The following AFG2A variants were observed in gnomAD, a reference collection of about 807,000 sequenced individuals.
AFG2A encodes the protein AAA ATPase AFG2A.
chr4:122,982,508 G>A, the AFG2A span, among the ~76,000 whole-genome samples: 1 of 152,154 alleles, frequency 6.6e-6, no homozygotes, highest in East Asian at 1.9e-4. Context: ...CTCATAAAGT[G>A]AGTTTGGAAG....
the AFG2A span, among the ~76,000 whole-genome samples, chr4:123,021,823 T>G: frequency 0.82 from 123,895 of 151,932 alleles, 52,127 homozygotes; most frequent in East Asian, 0.96. Context: ...AGCATGGTAC[T>G]GGTACCAAAA....
the AFG2A span, among the ~76,000 whole-genome samples, chr4:123,036,284 G>C: frequency 6.6e-6 from 1 of 152,052 alleles, no homozygotes. Context: ...TGAGAAATGA[G>C]AAAGAAAAGC....
At chr4:123,007,642 A>ATCAACAC in the AFG2A span, among the ~76,000 whole-genome samples, 1 of 25,510 alleles carries the variant, frequency 3.9e-5, no homozygotes, top group Non-Finnish European at 1.0e-4. Flanking sequence ...ACACACACAC[A>ATCAACAC]ACACACACAC....
At chr4:123,084,623 T>A in the AFG2A span, among the ~76,000 whole-genome samples, 1 of 151,456 alleles carries the variant, frequency 6.6e-6, no homozygotes, top group African/African-American at 2.4e-5. Flanking sequence ...TGTATATATA[T>A]ATAAAGAGAG....
At chr4:123,318,232 A>G in the AFG2A span, 32 of 152,208 alleles carry the variant, frequency 2.1e-4, no homozygotes, top group African/African-American at 5.8e-4. Context: ...GGACCTAGGA[A>G]ACAAATAAAG....
chr4:122,942,941 A>G, the AFG2A span, among the ~76,000 whole-genome samples: 7 of 151,712 alleles, frequency 4.6e-5, no homozygotes, highest in African/African-American at 7.3e-5. Context: ...GTAGTTGAGC[A>G]GTTTTGAGTG....
At chr4:123,196,167 A>ATT in the AFG2A span, among the ~76,000 whole-genome samples, 5,715 of 79,592 alleles carry the variant, frequency 0.072, 585 homozygotes, top group African/African-American at 0.17. Flanking sequence ...TGCCCAGCTA[A>ATT]TTTTTTTTTT....
At chr4:122,983,463 G>T in the AFG2A span, among the ~76,000 whole-genome samples, 1 of 151,900 alleles carries the variant, frequency 6.6e-6, no homozygotes, top group East Asian at 1.9e-4. Flanking sequence ...TTTCCTCATA[G>T]AACTACTTTT....
the AFG2A span, among the ~76,000 whole-genome samples, chr4:122,960,885 T>A: frequency 6.6e-6 from 1 of 152,238 alleles, no homozygotes; most frequent in East Asian, 1.9e-4. Flanking sequence ...CTGTTTCTAA[T>A]ATTTTTTACT....
the AFG2A span, among the ~76,000 whole-genome samples, chr4:123,228,021 C>T: frequency 3.3e-5 from 5 of 152,066 alleles, no homozygotes; most frequent in Non-Finnish European, 7.4e-5. Context: ...TTATCAGAGA[C>T]TAGGATTGCA....
At chr4:123,184,075 C>T in the AFG2A span, among the ~76,000 whole-genome samples, 3 of 152,110 alleles carry the variant, frequency 2.0e-5, no homozygotes, top group South Asian at 6.2e-4. Flanking sequence ...GGATTATAGG[C>T]GTGAGCCACC....
the AFG2A span, among the ~76,000 whole-genome samples, chr4:122,953,759 T>C: frequency 6.6e-6 from 1 of 152,254 alleles, no homozygotes. Flanking sequence ...GTCACCCTGA[T>C]GGGCCCCTTG....
chr4:123,255,075 C>T, the AFG2A span, among the ~76,000 whole-genome samples: 4 of 152,208 alleles, frequency 2.6e-5, no homozygotes, highest in African/African-American at 9.6e-5. Context: ...GTGATCCTCT[C>T]ACCTTAGCCT....
the AFG2A span, among the ~76,000 whole-genome samples, chr4:122,991,935 A>G: frequency 6.6e-6 from 1 of 152,146 alleles, no homozygotes. Flanking sequence ...TGCAATATTT[A>G]TCTGTATTTT....
the AFG2A span, among the ~76,000 whole-genome samples, chr4:123,239,433 A>G: frequency 6.6e-6 from 1 of 152,202 alleles, no homozygotes; most frequent in African/African-American, 2.4e-5. Flanking sequence ...AGCCTGAGAG[A>G]AAGGTCAGAT....
At chr4:123,298,100 C>T in the AFG2A span, among the ~76,000 whole-genome samples, 195 of 91,722 alleles carry the variant, frequency 2.1e-3, no homozygotes, top group Middle Eastern at 5.2e-3. Flanking sequence ...CACATGCATG[C>T]GTGCATACAC....
At chr4:123,244,918 C>T in the AFG2A span, among the ~76,000 whole-genome samples, 1 of 152,070 alleles carries the variant, frequency 6.6e-6, no homozygotes, top group East Asian at 1.9e-4. Context: ...TCAGCAGGGG[C>T]ATTAGAAAAT....
At chr4:123,169,755 A>G in the AFG2A span, among the ~76,000 whole-genome samples, 1 of 152,226 alleles carries the variant, frequency 6.6e-6, no homozygotes, top group African/African-American at 2.4e-5. Flanking sequence ...TGCTGGGATT[A>G]CAGTTGTGAG....
chr4:123,124,508 G>A, the AFG2A span, among the ~76,000 whole-genome samples: 293 of 151,890 alleles, frequency 1.9e-3, 1 homozygote, highest in African/African-American at 6.8e-3. Flanking sequence ...GGAGAGGGGA[G>A]GGATAGCATT....
Sources: allele counts gnomAD v4.1 joint callset (sites outside exome capture counted in the v4.1 genomes callset), GRCh38; gene constraint gnomAD v4.1.1; transcripts MANE v1.5; gene names NCBI Gene and HGNC (gene_info 2026-07-23, HGNC 2026-07-21).